Variants in KLF2 observed in about 807,000 individuals in gnomAD.
KLF2 encodes the protein Krueppel-like factor 2.
Under a neutral mutation model 22.2 loss-of-function variants are expected in KLF2, and 9 were observed. The ratio of observed to expected loss-of-function variants is 0.40; its 90% CI spans 0.24 to 0.71. The LOEUF is 0.71. KLF2 is among the 30% of genes least tolerant of loss of function. The pLI, the probability that KLF2 is intolerant of heterozygous loss-of-function variation, is 0.35. For missense variants in KLF2, 481 were observed against 542.1 expected (o/e 0.89, Z 1.12); for synonymous variants, 299 against 264.2 (o/e 1.13, Z -1.28).
Position 16,325,777 on chromosome 19 carries a change from C to T in KLF2, c.637C>T (p.Pro213Ser). Residue 213 changes from proline to serine, a missense_variant, in exon 2 of 3, where the codon CCG becomes TCG. Physicochemically the swap from Pro to Ser is moderately conservative, Grantham distance 74. This residue lies in a region of KLF2 where 421 missense variants were observed against 435.1 expected (regional missense o/e 0.97). Transcript: ENST00000248071. ...GCCCGGGCCCGGCCTGCATTACGCG[C>T]CGCCTGCGCCCCCAGCCTTCGGTCT... ...GAPGPGLHYA[P>S]PAPPAFGLFD... 7.7e-7 allele frequency: 1 copy of T among 1,291,834 alleles called. No homozygotes were observed. Among genetic ancestry groups the T allele is most frequent in the Non-Finnish European group, 9.8e-7 (1 of 1,025,434 alleles). The allele number at this position is 1,291,834 out of a possible 1,614,324, so 80.0% of individuals were successfully genotyped here.
chr19:16,325,928 C>T lies in KLF2; in HGVS notation c.788C>T (p.Ser263Phe). 1 of 1,528,062 alleles carries T rather than the reference C, an allele frequency of 6.5e-7. No homozygotes were observed. Among genetic ancestry groups the T allele is most frequent in the Non-Finnish European group, 8.8e-7 (1 of 1,139,760 alleles). The allele number at this position is 1,528,062 out of a possible 1,614,324, so 94.7% of individuals were successfully genotyped here. Residue 263 changes from serine (S) to phenylalanine (F), a missense_variant, in exon 2 of 3, where the codon TCT (serine) becomes TTT (phenylalanine). Ser to Phe is a radical substitution (Grantham distance 155). Transcript: ENST00000248071. ...GCCAAGCCAAAGCGCGGCCGCCGCT[C>T]TTGGCCCCGCAAACGCACCGCCACT... The part of the protein sequence containing the change: ...LEAKPKRGRR[S>F]WPRKRTATHT...
Position 16,325,458 on chromosome 19 carries a change from C to G in KLF2, c.318C>G (p.Pro106=). The change falls in exon 2 of 3, where the codon CCC becomes CCG. Residue 106 remains proline, a synonymous_variant. Coordinates refer to ENST00000248071, the MANE Select transcript of KLF2 (RefSeq NM_016270.4). The part of the protein sequence containing the change: ...LRPELDAPLG[P]ALHGRFLLAP... The stretch of plus-strand genomic sequence containing the variant: ...CCGAGCTGGATGCGCCGCTGGGGCC[C>G]GCACTGCACGGCCGCTTTCTGCTGG... The G allele has an allele frequency of 1.4e-6, 2 of 1,400,118 alleles. No individual in the cohort carries two copies. The highest frequency in any genetic ancestry group is 1.8e-6 in the Non-Finnish European group (2 of 1,082,858). 86.7% of individuals were successfully genotyped at this position (1,400,118 alleles called of 1,614,324 possible).
rs76570748 is a variant in KLF2 at position 16,328,260 on chromosome 19, C to G, written c.*1229C>G. 1.3e-5 allele frequency among the ~76,000 whole-genome samples: 2 copies of G among 152,032 alleles called. No individual in the cohort carries two copies. The highest frequency in any genetic ancestry group is 4.8e-5 in the African/African-American group (2 of 41,412). On this transcript the variant is annotated 3_prime_UTR_variant, in exon 3 of 3. Coordinates refer to ENST00000248071, the MANE Select transcript of KLF2 (RefSeq NM_016270.4). ...TAGGAGAGCCTCCTCCCCTGTAGGT[C>G]TCCTGGTGCAAAAAATTCACTGCCT...
At position 16,325,791 on chromosome 19, in the gene KLF2, A is replaced by G. The variant is rs1370912496; in HGVS notation, c.651A>G (p.Pro217=). The change falls in exon 2 of 3, where the codon CCA becomes CCG. Residue 217 remains proline, a synonymous_variant. Coordinates refer to ENST00000248071, the MANE Select transcript of KLF2 (RefSeq NM_016270.4). ...PGLHYAPPAP[P]AFGLFDDAAA... is the part of the protein sequence containing the mutation. Reference sequence around the variant, plus strand: ...TGCATTACGCGCCGCCTGCGCCCCCAGCCTTCGGTCTCTTCGACGACGCGG... The same window carrying G: ...TGCATTACGCGCCGCCTGCGCCCCCGGCCTTCGGTCTCTTCGACGACGCGG... 2 of 1,312,700 alleles carry G rather than the reference A, an allele frequency of 1.5e-6. No homozygotes were observed. Among genetic ancestry groups the G allele is most frequent in the Non-Finnish European group, 9.6e-7 (1 of 1,037,682 alleles). 81.3% of individuals were successfully genotyped at this position (1,312,700 alleles called of 1,614,324 possible). A position where few individuals can be genotyped will look rare whatever the true frequency, so the allele number is the denominator to read the frequency against.
chr19:16,326,797 G>T, intron 2 of KLF2, 59 bp from the exon 3 acceptor site: 1 of 1,540,986 alleles, frequency 6.5e-7, no homozygotes, highest in Non-Finnish European at 8.8e-7. Context: ...CGCCGGGGTA[G>T]CCATACGTGC....
rs532846059 is a variant in KLF2, at chr19:16,327,090, C to T, written c.*59C>T. 1.2e-5 allele frequency: 18 copies of T among 1,441,542 alleles called. No individual in the cohort carries two copies. Among genetic ancestry groups the T allele is most frequent in the Non-Finnish European group, 1.7e-5 (18 of 1,085,624 alleles). 89.3% of individuals were successfully genotyped at this position (1,441,542 alleles called of 1,614,324 possible). A position where few individuals can be genotyped will look rare whatever the true frequency, so the allele number is the denominator to read the frequency against. ...GGCGGGTCCCACGCGCCGGGCGCGGCCCCCTCCCAAACTGTGACTGGTATT... is the reference window on the plus strand; with the variant it reads ...GGCGGGTCCCACGCGCCGGGCGCGGTCCCCTCCCAAACTGTGACTGGTATT... On this transcript the variant is annotated 3_prime_UTR_variant, in exon 3 of 3. Transcript: ENST00000248071.
rs374895242 is a variant in KLF2 at position 16,326,830 on chromosome 19, C to T, written c.893-26C>T. The stretch of plus-strand genomic sequence containing the variant: ...TGCCCTGTCCTGGGAGGGGAACTGA[C>T]GCTTACTCTCGCCCCCTCCCTGCAG... On this transcript the variant is annotated intron_variant, in intron 2 of 2. Transcript: ENST00000248071. 1.4e-5 allele frequency: 23 copies of T among 1,596,354 alleles called. No individual in the cohort carries two copies. The African/African-American group carries it at 2.4e-4, about 17-fold the overall frequency.
At position 16,324,879 on chromosome 19, in the gene KLF2, C is replaced by T; in HGVS notation, c.-45C>T. 1 of 1,532,100 alleles carries T rather than the reference C, an allele frequency of 6.5e-7. No homozygotes were observed. Among genetic ancestry groups the T allele is most frequent in the Non-Finnish European group, 8.9e-7 (1 of 1,125,524 alleles). The allele number at this position is 1,532,100 out of a possible 1,614,324, so 94.9% of individuals were successfully genotyped here. On this transcript the variant is annotated 5_prime_UTR_variant, in exon 1 of 3. Coordinates refer to ENST00000248071, the MANE Select transcript of KLF2 (RefSeq NM_016270.4). ...CGACCAGCCCGGCCTCGGGCAGCCA[C>T]TCACCGGTGTCCCCGTCCGCGTCCT...
At position 16,325,665 on chromosome 19, in the gene KLF2, G is replaced by A. The variant is rs2091887248; in HGVS notation, c.525G>A (p.Pro175=). ...GRPPPPPDTP[P]LSPDGPARLP... ...CCCCGCCGCCGCCCGACACACCGCC[G>A]CTCAGCCCCGACGGCCCCGCGCGCC... Residue 175 remains proline (P), a synonymous_variant, in exon 2 of 3, where the codon CCG becomes CCA. Transcript: ENST00000248071. 3.7e-6 allele frequency: 4 copies of A among 1,081,420 alleles called. No individual in the cohort carries two copies. Among genetic ancestry groups the A allele is most frequent in the Non-Finnish European group, 4.5e-6 (4 of 896,746 alleles). 67.0% of individuals were successfully genotyped at this position (1,081,420 alleles called of 1,614,324 possible).
At position 16,325,889 on chromosome 19, in the gene KLF2, T is replaced by G; in HGVS notation, c.749T>G (p.Leu250Arg). The change falls in exon 2 of 3, where the codon CTG becomes CGG. Residue 250 changes from leucine (L) to arginine (R), a missense_variant. Coordinates refer to ENST00000248071, the MANE Select transcript of KLF2 (RefSeq NM_016270.4). ...RGLLTPPASP[L>R]ELLEAKPKRG... The stretch of plus-strand genomic sequence containing the variant: ...CTCCTCACGCCGCCTGCGTCCCCGC[T>G]GGAGCTGCTGGAGGCCAAGCCAAAG... 6.7e-7 allele frequency: 1 copy of G among 1,489,880 alleles called. No individual in the cohort carries two copies. The allele number at this position is 1,489,880 out of a possible 1,614,324, so 92.3% of individuals were successfully genotyped here. A position where few individuals can be genotyped will look rare whatever the true frequency, so the allele number is the denominator to read the frequency against.
In KLF2 at chr19:16,327,072, C is replaced by T; in HGVS notation, c.*41C>T. 6.7e-7 allele frequency: 1 copy of T among 1,497,622 alleles called. No homozygotes were observed. Among genetic ancestry groups the T allele is most frequent in the East Asian group, 2.5e-5 (1 of 40,390 alleles). The allele number at this position is 1,497,622 out of a possible 1,614,324, so 92.8% of individuals were successfully genotyped here. Reference sequence around the variant, plus strand: ...CCACCTGCGCGCGGCCGTGGCGGGTCCCACGCGCCGGGCGCGGCCCCCTCC... The same window carrying T: ...CCACCTGCGCGCGGCCGTGGCGGGTTCCACGCGCCGGGCGCGGCCCCCTCC... On this transcript the variant is annotated 3_prime_UTR_variant, in exon 3 of 3. Transcript: ENST00000248071.
chr19:16,326,128 C>A (rs1182952372), intron 2 of KLF2, 96 bp downstream of exon 2: 5 of 1,233,052 alleles, frequency 4.1e-6, no homozygotes, highest in Non-Finnish European at 5.5e-6. Flanking sequence ...TAGGACCTCC[C>A]TTGGGGCGTG....
chr19:16,326,045 C>G lies in KLF2; in HGVS notation c.892+13C>G, dbSNP rs773269609. 1.1e-5 allele frequency: 17 copies of G among 1,539,122 alleles called. No individual in the cohort carries two copies. In the African/African-American group the frequency reaches 2.1e-4, roughly 19 times the overall value. ...CGCACGCACACAGGTGGGCGGCACG[C>G]ACGAGCCAGGAGCGCAGGCGGGGGG... On this transcript the variant is annotated intron_variant, in intron 2 of 2. Coordinates refer to ENST00000248071, the MANE Select transcript of KLF2 (RefSeq NM_016270.4).
In KLF2 at chr19:16,325,861, G is replaced by T. The variant is rs1211910038; in HGVS notation, c.721G>T (p.Gly241Cys). The T allele has an allele frequency of 4.9e-6, 7 of 1,427,332 alleles. No individual in the cohort carries two copies. The highest frequency in any genetic ancestry group is 6.0e-5 in the Admixed American group (2 of 33,486). The allele number at this position is 1,427,332 out of a possible 1,614,324, so 88.4% of individuals were successfully genotyped here. A position where few individuals can be genotyped will look rare whatever the true frequency, so the allele number is the denominator to read the frequency against. Residue 241 changes from glycine (G) to cysteine (C), a missense_variant, in exon 2 of 3, where the codon GGT becomes TGT. Coordinates refer to ENST00000248071, the MANE Select transcript of KLF2 (RefSeq NM_016270.4). ...GGGCCTGGCGCCCCCCGCCGCCCGC[G>T]GTCTCCTCACGCCGCCTGCGTCCCC... is the stretch of plus-strand genomic sequence containing the variant. ...ALGLAPPAAR[G>C]LLTPPASPLE...
In KLF2 at chr19:16,327,675, C is replaced by T. The variant is rs2091894371; in HGVS notation, c.*644C>T. 6.6e-6 allele frequency: 1 copy of T among 152,140 alleles called. No homozygotes were observed. The highest frequency in any genetic ancestry group is 2.4e-5 in the African/African-American group (1 of 41,390). 9.4% of individuals were successfully genotyped at this position (152,140 alleles called of 1,614,324 possible). On this transcript the variant is annotated 3_prime_UTR_variant, in exon 3 of 3. Coordinates refer to ENST00000248071, the MANE Select transcript of KLF2 (RefSeq NM_016270.4). ...CGTCTGCCAGCACCGGGACTGCCAG[C>T]TGCTGTGCCTGCCTGCCAGGAACCT... is the stretch of plus-strand genomic sequence containing the variant.
At chr19:16,326,099 GC>G in intron 2 of KLF2, 67 bp downstream of exon 2, 1 of 1,455,252 alleles carries the variant, frequency 6.9e-7, no homozygotes, top group Non-Finnish European at 9.2e-7. Context: ...GATTCCCAGC[GC>G]GCGCCAGAAA....
rs1368962703 is a variant in KLF2 at position 16,325,259 on chromosome 19, A to G, written c.119A>G (p.Asp40Gly). 3.2e-6 allele frequency: 5 copies of G among 1,542,300 alleles called. No individual in the cohort carries two copies. In the African/African-American group the frequency reaches 5.7e-5, roughly 18 times the overall value. The change falls in exon 2 of 3, where the codon GAC becomes GGC. Residue 40 changes from aspartate to glycine, a missense_variant. Transcript: ENST00000248071. The part of the protein sequence containing the change: ...AEPESGGTDD[D>G]LNSVLDFILS... ...CCCGAGTCCGGCGGCACCGACGACG[A>G]CCTCAACAGCGTGCTGGACTTCATC...
Position 16,327,279 on chromosome 19 carries a change from T to A in KLF2, c.*248T>A. The A allele has an allele frequency of 2.2e-6, 1 of 457,352 alleles. No homozygotes were observed. The highest frequency in any genetic ancestry group is 3.9e-6 in the Non-Finnish European group (1 of 253,470). 28.3% of individuals were successfully genotyped at this position (457,352 alleles called of 1,614,324 possible). On this transcript the variant is annotated 3_prime_UTR_variant, in exon 3 of 3. Transcript: ENST00000248071. ...AGTTTTGTTTTTCAAAATGGTGCAA[T>A]AATTTAAGTGGCATCTTCTCTCCCA... is the stretch of plus-strand genomic sequence containing the variant.
In KLF2 at chr19:16,325,707, G is replaced by C; in HGVS notation, c.567G>C (p.Pro189=). ...DGPARLPAPG[P]RASFPPPFGG... The stretch of plus-strand genomic sequence containing the variant: ...CCGCGCGCCTGCCCGCGCCCGGTCC[G>C]CGCGCCTCCTTCCCGCCGCCTTTCG... The change falls in exon 2 of 3, where the codon CCG becomes CCC. Residue 189 remains proline (P), a synonymous_variant. Transcript: ENST00000248071. The C allele has an allele frequency of 8.5e-7, 1 of 1,171,958 alleles. No individual in the cohort carries two copies. Among genetic ancestry groups the C allele is most frequent in the Non-Finnish European group, 1.0e-6 (1 of 953,290 alleles). 72.6% of individuals were successfully genotyped at this position (1,171,958 alleles called of 1,614,324 possible).
Sources: gnomAD v4.1 joint callset for allele counts (sites outside exome capture counted in the v4.1 genomes callset) on GRCh38, gnomAD v4.1.1 for gene constraint, gnomAD v4.1.1 regional missense constraint, MANE v1.5 for transcripts, NCBI Gene and HGNC (gene_info 2026-07-23, HGNC 2026-07-21) for gene names.